Variants in TSPAN8 observed in about 807,000 individuals in gnomAD.
TSPAN8 encodes the protein tetraspanin 8.
TSPAN8 carries 21 observed loss-of-function variants against 32.8 expected under a neutral mutation model. The observed-to-expected ratio is 0.64, with a 90% CI of 0.45 to 0.92. The LOEUF (loss-of-function observed/expected upper bound fraction) is 0.92, where lower values mean the gene tolerates loss of function less well. TSPAN8 is among the 40% of genes least tolerant of loss of function. The pLI is 0.00. For missense variants in TSPAN8, 269 were observed against 281.9 expected (o/e 0.95, Z 0.33); for synonymous variants, 95 against 94.6 (o/e 1.00, Z -0.03).
At chr12:71,129,245 T>C (rs1340726390) in intron 8 of TSPAN8, 86 bp downstream of exon 8, 15 of 1,300,508 alleles carry the variant, frequency 1.2e-5, no homozygotes, top group Non-Finnish European at 2.0e-6. Flanking sequence ...TTTTTTTTTC[T>C]GTTTGTTTGT....
chr12:71,151,248 AGAGAT>A (rs1872246174), intron 2 of TSPAN8, among the ~76,000 whole-genome samples: 1 of 151,986 alleles, frequency 6.6e-6, no homozygotes, highest in Admixed American at 6.6e-5. Context: ...TATTTTTAGT[AGAGAT>A]GGGGTTTCAC....
intron 2 of TSPAN8, among the ~76,000 whole-genome samples, chr12:71,154,086 A>T (rs529270590): frequency 6.6e-6 from 1 of 152,064 alleles, no homozygotes; most frequent in Non-Finnish European, 1.5e-5. Flanking sequence ...AAGTAGATGG[A>T]TCACCTGAGG....
rs1225665568 is a variant in TSPAN8 at position 71,139,811 on chromosome 12, A to G, written c.161T>C (p.Val54Ala). 28 of 1,613,758 alleles carry G rather than the reference A, an allele frequency of 1.7e-5. No individual in the cohort carries two copies. The highest frequency in any genetic ancestry group is 2.4e-5 in the Non-Finnish European group (28 of 1,179,838). ...TACAGCAATCAATATGTCCACAGCA[A>G]CGTAGGAGCTAGAGCCTACATCTTC... Reference protein sequence around the residue: ...GSEDVGSSSYVAVDILIAVGA... With the variant: ...GSEDVGSSSYAAVDILIAVGA... The change falls in exon 4 of 9, where the codon GTT becomes GCT. Residue 54 changes from valine to alanine, a missense_variant. Val to Ala is a moderately conservative substitution (Grantham distance 64, BLOSUM62 0). Coordinates refer to ENST00000247829, the MANE Select transcript of TSPAN8 (RefSeq NM_004616.3).
intron 2 of TSPAN8, 102 bp from the exon 3 acceptor site, chr12:71,144,315 C>G (rs1872003917): frequency 2.0e-6 from 2 of 985,932 alleles, no homozygotes; most frequent in East Asian, 2.6e-5. Context: ...TCATCATCGA[C>G]TATACTATCA....
At chr12:71,147,970 A>G (rs1872129161) in intron 2 of TSPAN8, among the ~76,000 whole-genome samples, 1 of 152,190 alleles carries the variant, frequency 6.6e-6, no homozygotes, top group African/African-American at 2.4e-5. Context: ...TATCTCTAAC[A>G]GTGTTCCCTC....
At chr12:71,132,598 TG>T in intron 7 of TSPAN8, 94 bp downstream of exon 7, 1 of 1,375,700 alleles carries the variant, frequency 7.3e-7, no homozygotes, top group African/African-American at 1.5e-5. Flanking sequence ...ATGATTCCCA[TG>T]GTACTCCATG....
intron 8 of TSPAN8, among the ~76,000 whole-genome samples, chr12:71,127,865 C>T (rs1871394208): frequency 6.6e-6 from 1 of 152,142 alleles, no homozygotes; most frequent in African/African-American, 2.4e-5. Flanking sequence ...ATTGTCAGAA[C>T]TTGAGTCTAA....
chr12:71,142,411 A>C (rs1592406097), intron 3 of TSPAN8, among the ~76,000 whole-genome samples: 1 of 152,350 alleles, frequency 6.6e-6, no homozygotes, highest in East Asian at 1.9e-4. Flanking sequence ...CTGGGAGGGA[A>C]AGAAAATACC....
intron 3 of TSPAN8, among the ~76,000 whole-genome samples, chr12:71,140,994 A>T (rs1592405353): frequency 6.6e-6 from 1 of 152,344 alleles, no homozygotes; most frequent in African/African-American, 2.4e-5. Flanking sequence ...AGGCTTTTTA[A>T]ATCTACTTAT....
intron 2 of TSPAN8, among the ~76,000 whole-genome samples, chr12:71,147,487 A>C (rs1157595863): frequency 2.0e-5 from 3 of 152,212 alleles, no homozygotes; most frequent in Admixed American, 2.0e-4. Context: ...GATAAAAAAG[A>C]ATAAGAAAAT....
chr12:71,131,643 G>A (rs765309900), intron 7 of TSPAN8, among the ~76,000 whole-genome samples: 6 of 148,142 alleles, frequency 4.1e-5, no homozygotes, highest in Non-Finnish European at 9.0e-5. Context: ...CCAGAAGCAT[G>A]TCTGATCCTA....
At chr12:71,157,058 C>T (rs1456339204) in intron 2 of TSPAN8, 1 of 152,182 alleles carries the variant, frequency 6.6e-6, no homozygotes, top group Non-Finnish European at 1.5e-5. Context: ...CTTTAAAATG[C>T]CAATACATAT....
At chr12:71,154,848 C>T (rs1872373867) in intron 2 of TSPAN8, among the ~76,000 whole-genome samples, 1 of 152,130 alleles carries the variant, frequency 6.6e-6, no homozygotes, top group South Asian at 2.1e-4. Flanking sequence ...TGATCTGGAA[C>T]ATGTCAAACC....
chr12:71,130,839 G>C (rs1555194915), intron 7 of TSPAN8, among the ~76,000 whole-genome samples: 1 of 151,924 alleles, frequency 6.6e-6, no homozygotes, highest in African/African-American at 2.4e-5. Context: ...AAAAGGAAGA[G>C]GAAAAAAAAG....
At chr12:71,137,717 A>C (rs1047884270) in intron 6 of TSPAN8, among the ~76,000 whole-genome samples, 1 of 152,208 alleles carries the variant, frequency 6.6e-6, no homozygotes, top group African/African-American at 2.4e-5. Context: ...TCGAGGCTTA[A>C]CCTGTCATAA....
intron 2 of TSPAN8, 26 bp from the exon 3 acceptor site, chr12:71,144,239 AAG>A: frequency 2.5e-6 from 4 of 1,601,464 alleles, no homozygotes; most frequent in Non-Finnish European, 3.4e-6. Flanking sequence ...AACAAACAAA[AAG>A]AATACAATTA....
chr12:71,151,837 G>A (rs1407347148), intron 2 of TSPAN8, among the ~76,000 whole-genome samples: 5 of 152,230 alleles, frequency 3.3e-5, no homozygotes, highest in Admixed American at 3.3e-4. Context: ...CATTTGAGCA[G>A]GGAAATTTGG....
chr12:71,157,892 A>G (rs1872498270), intron 1 of TSPAN8, 38 bp downstream of exon 1: 1 of 537,030 alleles, frequency 1.9e-6, no homozygotes, highest in African/African-American at 1.9e-5. Flanking sequence ...AAGGCTATTA[A>G]CCCACACATT....
intron 7 of TSPAN8, among the ~76,000 whole-genome samples, chr12:71,129,818 G>A (rs1871463139): frequency 6.6e-6 from 1 of 151,806 alleles, no homozygotes; most frequent in Non-Finnish European, 1.5e-5. Flanking sequence ...ATTCATTTTA[G>A]AGCTGATACC....
Sources: allele counts gnomAD v4.1 joint callset (sites outside exome capture counted in the v4.1 genomes callset), GRCh38; gene constraint gnomAD v4.1.1; transcripts MANE v1.5; gene names NCBI Gene and HGNC (gene_info 2026-07-23, HGNC 2026-07-21).